The following CWC27 variants were observed in gnomAD, a reference collection of about 807,000 sequenced individuals.
The protein encoded by CWC27 is CWC27 spliceosome associated cyclophilin.
In CWC27, 47 loss-of-function variants were observed where a neutral mutation model predicts 63.6. The observed-to-expected ratio is 0.74, with a 90% CI of 0.58 to 0.94. The LOEUF is 0.94. CWC27 is among the 40% of genes least tolerant of loss of function. The pLI, the probability that CWC27 is intolerant of heterozygous loss-of-function variation, is 0.00. For synonymous variants in CWC27, 175 were observed against 179.8 expected, an observed-to-expected ratio of 0.97 and a Z score of 0.22; for missense variants, 495 against 554.3, an observed-to-expected ratio of 0.89 and a Z score of 1.07.
At chr5:64,791,992 A>G (rs1397877246) in intron 7 of CWC27, among the ~76,000 whole-genome samples, 5 of 152,092 alleles carry the variant, frequency 3.3e-5, no homozygotes, top group Admixed American at 2.0e-4. Context: ...CTGGTGTGGT[A>G]GTCTATAGAC....
At chr5:64,993,410 T>G (rs1749573775) in intron 13 of CWC27, among the ~76,000 whole-genome samples, 1 of 152,174 alleles carries the variant, frequency 6.6e-6, no homozygotes. Context: ...AATGTAGACA[T>G]ATTCAATAAA....
intron 11 of CWC27, among the ~76,000 whole-genome samples, chr5:64,955,598 A>G (rs1039827892): frequency 6.6e-6 from 1 of 152,140 alleles, no homozygotes; most frequent in African/African-American, 2.4e-5. Context: ...TTTGGACACA[A>G]GTAGACTTCA....
At chr5:64,803,604 A>G (rs1744558629) in intron 9 of CWC27, among the ~76,000 whole-genome samples, 1 of 152,168 alleles carries the variant, frequency 6.6e-6, no homozygotes, top group Admixed American at 6.6e-5. Flanking sequence ...TCTGAAGGAG[A>G]TGAAAGAGCA....
Position 64,984,867 on chromosome 5 carries a change from A to G in CWC27, c.1256+7629A>G, listed in dbSNP as rs559711373. ...GTTATGTCTAAGAATTCTTTGCCCA[A>G]CCTAAAGTCACACAGATTTTTTCCT... On this transcript the variant is annotated intron_variant, in intron 13 of 13. Transcript: ENST00000381070. Among the ~76,000 whole-genome samples the G allele has an allele frequency of 2.3e-3, 345 of 152,260 alleles. 3 individuals are homozygous for G. The highest frequency in any genetic ancestry group is 7.7e-3 in the African/African-American group (322 of 41,570).
chr5:64,811,737 AG>A (rs1744884837), intron 10 of CWC27, among the ~76,000 whole-genome samples: 1 of 152,072 alleles, frequency 6.6e-6, no homozygotes, highest in African/African-American at 2.4e-5. Flanking sequence ...GAGTTCTGTT[AG>A]GTTGACTGAA....
At chr5:64,941,705 G>C (rs1049891335) in intron 11 of CWC27, among the ~76,000 whole-genome samples, 1 of 152,020 alleles carries the variant, frequency 6.6e-6, no homozygotes, top group Admixed American at 6.6e-5. Flanking sequence ...TTTTAAATGA[G>C]ATTGGACGTT....
chr5:64,990,232 TTTTA>T (rs1317230440), intron 13 of CWC27, among the ~76,000 whole-genome samples: 1 of 132,472 alleles, frequency 7.5e-6, no homozygotes, highest in African/African-American at 2.9e-5. Flanking sequence ...GCTCTAGAGT[TTTTA>T]TTTGTTTTTT....
At chr5:64,771,894 T>C (rs747202806) in intron 1 of CWC27, among the ~76,000 whole-genome samples, 3 of 152,192 alleles carry the variant, frequency 2.0e-5, no homozygotes, top group Non-Finnish European at 4.4e-5. Flanking sequence ...CGATTATATA[T>C]GCATTCTTTT....
At chr5:64,994,742 T>A (rs1749600511) in intron 13 of CWC27, among the ~76,000 whole-genome samples, 1 of 152,040 alleles carries the variant, frequency 6.6e-6, no homozygotes, top group African/African-American at 2.4e-5. Context: ...TGAAGTTGAA[T>A]CATTTATACC....
intron 10 of CWC27, among the ~76,000 whole-genome samples, chr5:64,853,735 C>G (rs1746191640): frequency 6.6e-6 from 1 of 152,134 alleles, no homozygotes; most frequent in African/African-American, 2.4e-5. Context: ...AGGAGGACAG[C>G]AACAAACCAT....
intron 11 of CWC27, among the ~76,000 whole-genome samples, 185 bp downstream of exon 11, chr5:64,885,731 GTGTGTGTT>G (rs989927408): frequency 2.1e-4 from 30 of 142,902 alleles, no homozygotes; most frequent in African/African-American, 8.4e-4. Context: ...GTGTGTGTGT[GTGTGTGTT>G]TTTAATACTT....
intron 10 of CWC27, among the ~76,000 whole-genome samples, chr5:64,853,005 T>C (rs559974446): frequency 6.6e-6 from 1 of 152,290 alleles, no homozygotes; most frequent in East Asian, 1.9e-4. Context: ...GACTATGGTA[T>C]TATGGCATTC....
chr5:64,827,507 A>G (rs1745395510), intron 10 of CWC27, among the ~76,000 whole-genome samples: 2 of 152,216 alleles, frequency 1.3e-5, no homozygotes, highest in African/African-American at 4.8e-5. Flanking sequence ...TTGGAGTTAA[A>G]CACATCCAGG....
chr5:64,969,283 TG>T (rs566896885), intron 11 of CWC27, among the ~76,000 whole-genome samples: 20 of 152,340 alleles, frequency 1.3e-4, no homozygotes, highest in Admixed American at 3.9e-4. Context: ...CTTTTTTAGC[TG>T]AAAATGTAAG....
intron 10 of CWC27, among the ~76,000 whole-genome samples, chr5:64,813,879 T>C (rs1744955001): frequency 6.6e-6 from 1 of 152,170 alleles, no homozygotes; most frequent in Admixed American, 6.6e-5. Context: ...CATGAAGTTA[T>C]GCAAGAGCCT....
At chr5:64,958,694 C>G (rs926579921) in intron 11 of CWC27, among the ~76,000 whole-genome samples, 1 of 152,036 alleles carries the variant, frequency 6.6e-6, no homozygotes, top group Non-Finnish European at 1.5e-5. Context: ...TTCCATGAGA[C>G]AATTTGTAAC....
intron 11 of CWC27, among the ~76,000 whole-genome samples, chr5:64,954,519 A>G (rs911489392): frequency 1.3e-5 from 2 of 152,004 alleles, no homozygotes; most frequent in African/African-American, 4.8e-5. Context: ...TCCTGGGCTC[A>G]AAGGAGCCTC....
intron 12 of CWC27, among the ~76,000 whole-genome samples, chr5:64,974,472 C>T (rs557472285): frequency 2.0e-5 from 3 of 152,262 alleles, no homozygotes; most frequent in Admixed American, 6.5e-5. Flanking sequence ...ATAAACCCAT[C>T]AGATCTTGTG....
intron 13 of CWC27, among the ~76,000 whole-genome samples, chr5:65,001,161 A>T (rs958456735): frequency 5.3e-5 from 8 of 151,954 alleles, no homozygotes; most frequent in African/African-American, 9.7e-5. Flanking sequence ...TGATTTTTGT[A>T]TGTTGGGCTT....
Sources: allele counts gnomAD v4.1 joint callset (sites outside exome capture counted in the v4.1 genomes callset), GRCh38; gene constraint gnomAD v4.1.1; transcripts MANE v1.5; gene names NCBI Gene and HGNC (gene_info 2026-07-23, HGNC 2026-07-21).